The following SEMA3F variants were observed in gnomAD, a reference collection of about 807,000 sequenced individuals.
SEMA3F encodes the protein semaphorin 3F, also known as semaphorin-3F.
In SEMA3F, 30 loss-of-function variants were observed where a neutral mutation model predicts 98.5. The observed-to-expected ratio is 0.30, with a 90% CI of 0.23 to 0.41. SEMA3F has a LOEUF of 0.41. Ranked by LOEUF, SEMA3F falls within the 10% of genes least tolerant of loss-of-function variation. The probability of loss-of-function intolerance (pLI) is 1.00; values close to 1 mark genes in which losing one functional copy is unlikely to be tolerated. For missense variants in SEMA3F, 866 were observed against 1,119.3 expected (o/e 0.77, Z 3.23); for synonymous variants, 380 against 444.8 (o/e 0.85, Z 1.83).
At chr3:50,159,404 C>T (rs538502628) in intron 1 of SEMA3F, 171 bp from the exon 2 acceptor site, 5 of 518,324 alleles carry the variant, frequency 9.6e-6, no homozygotes, top group Non-Finnish European at 1.7e-5. Flanking sequence ...TACTATCTCC[C>T]CAGACAAAGG....
chr3:50,176,882 C>T lies in SEMA3F; in HGVS notation c.643+21C>T, dbSNP rs201183783. The T allele has an allele frequency of 1.0e-5, 16 of 1,579,658 alleles. No individual in the cohort carries two copies. In the African/African-American group the frequency reaches 1.3e-4, roughly 13 times the overall value. The stretch of plus-strand genomic sequence containing the variant: ...CATCAGTGAGTGCCCCCCAACCCCG[C>T]TCTACAGTCTCAATGTGTGGCCTCT... On this transcript the variant is annotated intron_variant, in intron 7 of 18. Transcript: ENST00000002829.
intron 2 of SEMA3F, among the ~76,000 whole-genome samples, chr3:50,171,353 G>C (rs1698594160): frequency 6.6e-6 from 1 of 152,160 alleles, no homozygotes; most frequent in African/African-American, 2.4e-5. Context: ...GGGAGTCTTG[G>C]TGCAGGGTTG....
rs558298923 is a variant in SEMA3F, at chr3:50,185,609, A to C, written c.1546-57A>C. The C allele has an allele frequency of 3.1e-6, 5 of 1,612,478 alleles. No individual in the cohort carries two copies. The South Asian group carries it at 4.4e-5, about 14-fold the overall frequency. ...TCCCAGCCTCTGACCTGAGACCTCTAGGTCAGGGCAGGGAGGGGGTCCCTG... is the reference window on the plus strand; with the variant it reads ...TCCCAGCCTCTGACCTGAGACCTCTCGGTCAGGGCAGGGAGGGGGTCCCTG... On this transcript the variant is annotated intron_variant, in intron 14 of 18. Transcript: ENST00000002829.
Position 50,174,041 on chromosome 3 carries a change from C to T in SEMA3F, c.274-11C>T, listed in dbSNP as rs750334812. On this transcript the variant is annotated splice_polypyrimidine_tract_variant and intron_variant, in intron 3 of 18. Coordinates refer to ENST00000002829, the MANE Select transcript of SEMA3F (RefSeq NM_004186.5). Reference sequence around the variant, plus strand: ...CCAGAAGGCTGCACCTTCTGACCCCCCTCTCTGCAGATACACTGGGCAGCC... The same window carrying T: ...CCAGAAGGCTGCACCTTCTGACCCCTCTCTCTGCAGATACACTGGGCAGCC... The T allele has an allele frequency of 1.2e-6, 2 of 1,614,082 alleles. No homozygotes were observed. Among genetic ancestry groups the T allele is most frequent in the Non-Finnish European group, 1.7e-6 (2 of 1,180,030 alleles).
At position 50,187,755 on chromosome 3, in the gene SEMA3F, T is replaced by A. The variant is rs751626328; in HGVS notation, c.1998T>A (p.Arg666=). ...GCACAGAGCAGGGCTTGTTGCTCCG[T>A]GCACTGCAGCTCAGCGATCGTGGCC... is the stretch of plus-strand genomic sequence containing the variant. ...FLRTEQGLLL[R]ALQLSDRGLY... The change falls in exon 19 of 19, where the codon CGT becomes CGA. Residue 666 remains arginine (R), a synonymous_variant. Coordinates refer to ENST00000002829, the MANE Select transcript of SEMA3F (RefSeq NM_004186.5). The A allele has an allele frequency of 1.2e-6, 2 of 1,613,088 alleles. No individual in the cohort carries two copies. Among genetic ancestry groups the A allele is most frequent in the Non-Finnish European group, 1.7e-6 (2 of 1,179,770 alleles).
At chr3:50,186,085 C>T (rs1699199703) in intron 16 of SEMA3F, 39 bp downstream of exon 16, 1 of 1,580,358 alleles carries the variant, frequency 6.3e-7, no homozygotes, top group Admixed American at 1.7e-5. Flanking sequence ...AGCAACCAGT[C>T]CCAGGGCCCT....
At chr3:50,159,414 G>A (rs1319111395) in intron 1 of SEMA3F, 161 bp from the exon 2 acceptor site, 9 of 523,616 alleles carry the variant, frequency 1.7e-5, no homozygotes, top group Non-Finnish European at 2.3e-5. Context: ...CCAGACAAAG[G>A]CAGGCCAAAG....
intron 13 of SEMA3F, among the ~76,000 whole-genome samples, 178 bp from the exon 14 acceptor site, chr3:50,185,265 A>T (rs913409816): frequency 5.9e-5 from 9 of 152,154 alleles, no homozygotes; most frequent in African/African-American, 1.7e-4. Flanking sequence ...GACCATGGCC[A>T]TGACCCCCTA....
intron 14 of SEMA3F, 44 bp downstream of exon 14, chr3:50,185,575 T>TC: frequency 1.2e-6 from 2 of 1,610,174 alleles, no homozygotes; most frequent in Non-Finnish European, 1.7e-6. Context: ...ACCTTTACCC[T>TC]CCCCCCAGTC....
At chr3:50,171,548 T>C (rs1698604963) in intron 2 of SEMA3F, among the ~76,000 whole-genome samples, 1 of 151,794 alleles carries the variant, frequency 6.6e-6, no homozygotes, top group African/African-American at 2.4e-5. Context: ...AGGGGATGGG[T>C]AAGGGCATGA....
chr3:50,185,872 C>T lies in SEMA3F; in HGVS notation c.1588-17C>T, dbSNP rs753995320. ...GCTATGGGACAGGAACTGACAAGGC[C>T]CTACCCTTTGCCCCAGCAACAACTC... On this transcript the variant is annotated splice_polypyrimidine_tract_variant and intron_variant, in intron 15 of 18. Transcript: ENST00000002829. 1.2e-6 allele frequency: 2 copies of T among 1,609,542 alleles called. No homozygotes were observed. The highest frequency in any genetic ancestry group is 1.1e-5 in the South Asian group (1 of 90,886).
chr3:50,185,635 G>C, intron 14 of SEMA3F, 31 bp from the exon 15 acceptor site: 1 of 1,613,986 alleles, frequency 6.2e-7, no homozygotes, highest in Non-Finnish European at 8.5e-7. Context: ...GGGGTCCCTG[G>C]CATCCCAAGC....
At chr3:50,181,999 TC>T (rs1240383294) in intron 7 of SEMA3F, among the ~76,000 whole-genome samples, 1 of 152,242 alleles carries the variant, frequency 6.6e-6, no homozygotes, top group Non-Finnish European at 1.5e-5. Flanking sequence ...TGGCAGCTCT[TC>T]CTGATTTTGC....
chr3:50,184,966 T>A, intron 13 of SEMA3F, 152 bp downstream of exon 13: 1 of 643,978 alleles, frequency 1.6e-6, no homozygotes, highest in South Asian at 1.9e-5. Flanking sequence ...TCCCTATTGA[T>A]GGGATAACAG....
At chr3:50,179,975 ACTTT>A (rs1336485846) in intron 7 of SEMA3F, among the ~76,000 whole-genome samples, 2 of 152,032 alleles carry the variant, frequency 1.3e-5, no homozygotes, top group East Asian at 3.9e-4. Context: ...AGGCTGTTTC[ACTTT>A]CTTATCATTT....
At chr3:50,187,507 C>T (rs542780324) in intron 18 of SEMA3F, among the ~76,000 whole-genome samples, 198 bp from the exon 19 acceptor site, 1 of 152,036 alleles carries the variant, frequency 6.6e-6, no homozygotes, top group South Asian at 2.1e-4. Flanking sequence ...GGTCATCACT[C>T]CTGAAATGGA....
At chr3:50,165,545 A>G (rs909719582) in intron 2 of SEMA3F, among the ~76,000 whole-genome samples, 2 of 152,206 alleles carry the variant, frequency 1.3e-5, no homozygotes, top group African/African-American at 2.4e-5. Flanking sequence ...CTGCTCACTC[A>G]GGCATCTGCA....
chr3:50,178,221 AAC>A (rs1698890804), intron 7 of SEMA3F, among the ~76,000 whole-genome samples: 1 of 151,960 alleles, frequency 6.6e-6, no homozygotes, highest in African/African-American at 2.4e-5. Context: ...CAGCCTGGGC[AAC>A]AGAGTGAGAC....
At position 50,176,707 on chromosome 3, in the gene SEMA3F, C is replaced by T. The variant is rs943389903; in HGVS notation, c.550-61C>T. On this transcript the variant is annotated intron_variant, in intron 6 of 18. Transcript: ENST00000002829. ...ATTCTCACCCTGGGAGCCTGGTGAC[C>T]CTTACACTTCCTGGCTGGGGGACTG... The T allele has an allele frequency of 4.0e-6, 5 of 1,242,788 alleles. No individual in the cohort carries two copies. In the African/African-American group the frequency reaches 5.9e-5, roughly 15 times the overall value. The allele number at this position is 1,242,788 out of a possible 1,614,324, so 77.0% of individuals were successfully genotyped here. A position where few individuals can be genotyped will look rare whatever the true frequency, so the allele number is the denominator to read the frequency against.
Sources: gnomAD v4.1 joint callset for allele counts (sites outside exome capture counted in the v4.1 genomes callset) on GRCh38, gnomAD v4.1.1 for gene constraint, MANE v1.5 for transcripts, NCBI Gene and HGNC (gene_info 2026-07-23, HGNC 2026-07-21) for gene names.